The following IPPK variants were observed in gnomAD, a reference collection of about 807,000 sequenced individuals.
IPPK encodes IPK1 homolog.
IPPK carries 22 observed loss-of-function variants against 64.6 expected under a neutral mutation model. That is an observed-to-expected ratio of 0.34 (90% CI 0.24 to 0.49). IPPK has a LOEUF of 0.49. Ranked by LOEUF, IPPK falls within the 20% of genes least tolerant of loss-of-function variation. IPPK has a pLI of 0.99. For synonymous variants in IPPK, 262 were observed against 247.2 expected (o/e 1.06, Z -0.56); for missense variants, 532 against 630.7 (o/e 0.84, Z 1.68).
At chr9:92,639,114 T>C (rs750410458) in intron 8 of IPPK, among the ~76,000 whole-genome samples, 4 of 152,160 alleles carry the variant, frequency 2.6e-5, no homozygotes, top group South Asian at 2.1e-4. Context: ...AGTGGAGCAA[T>C]CAAAGCTCAC....
At chr9:92,647,745 G>A (rs1481087378) in intron 6 of IPPK, among the ~76,000 whole-genome samples, 2 of 151,752 alleles carry the variant, frequency 1.3e-5, no homozygotes, top group African/African-American at 4.8e-5. Context: ...AGTGAATCTG[G>A]TGAACACGGG....
At chr9:92,640,482 C>T (rs1023205926) in intron 8 of IPPK, among the ~76,000 whole-genome samples, 3 of 152,158 alleles carry the variant, frequency 2.0e-5, no homozygotes, top group Non-Finnish European at 2.9e-5. Flanking sequence ...AACCCAGGGT[C>T]ACTCAGATGC....
chr9:92,656,462 A>T lies in IPPK; in HGVS notation c.219T>A (p.His73Gln), dbSNP rs200488817. 96 of 1,605,416 alleles carry T rather than the reference A, an allele frequency of 6.0e-5. No homozygotes were observed. The highest frequency in any genetic ancestry group is 8.0e-5 in the Non-Finnish European group (94 of 1,172,206). ...MKEFLGENYVHYGEVVQLPLE... is the reference protein window; with the variant it reads ...MKEFLGENYVQYGEVVQLPLE... The stretch of plus-strand genomic sequence containing the variant: ...GTGAATAAAAAGCACTTACCCCATA[A>T]TGAACATAGTTCTCCCCCAAAAACT... Residue 73 changes from histidine (H) to glutamine (Q), a missense_variant, in exon 3 of 13, where the codon CAT (histidine) becomes CAA (glutamine). Physicochemically the swap from His to Gln is conservative, Grantham distance 24. Coordinates refer to ENST00000287996, the MANE Select transcript of IPPK (RefSeq NM_022755.6).
At chr9:92,629,707 CAAA>C (rs201735483) in intron 11 of IPPK, among the ~76,000 whole-genome samples, 9 of 94,666 alleles carry the variant, frequency 9.5e-5, no homozygotes, top group Admixed American at 1.0e-4. Context: ...GATTCTATCT[CAAA>C]AAAAAAAAAA....
intron 8 of IPPK, 106 bp from the exon 9 acceptor site, chr9:92,638,386 C>T: frequency 3.0e-6 from 4 of 1,316,048 alleles, no homozygotes; most frequent in South Asian, 1.4e-5. Flanking sequence ...AAGCCAAGGG[C>T]CCTGATGCTG....
chr9:92,651,053 C>A (rs1852257387), intron 4 of IPPK, among the ~76,000 whole-genome samples: 1 of 152,112 alleles, frequency 6.6e-6, no homozygotes, highest in Non-Finnish European at 1.5e-5. Context: ...CACCCTGGAG[C>A]CGGGCTCAGA....
intron 7 of IPPK, among the ~76,000 whole-genome samples, chr9:92,641,988 G>T (rs943405572): frequency 2.0e-5 from 3 of 152,236 alleles, no homozygotes; most frequent in Admixed American, 6.5e-5. Context: ...TGTGGCCAAG[G>T]ACTCTCTCCT....
chr9:92,626,850 G>A (rs1156911735), intron 11 of IPPK, among the ~76,000 whole-genome samples: 2 of 151,378 alleles, frequency 1.3e-5, no homozygotes, highest in East Asian at 3.9e-4. Context: ...ACTGAGCAAG[G>A]ACAGACTATC....
chr9:92,649,292 G>C (rs1348331196), intron 5 of IPPK, among the ~76,000 whole-genome samples, 161 bp downstream of exon 5: 2 of 152,158 alleles, frequency 1.3e-5, no homozygotes, highest in Non-Finnish European at 2.9e-5. Context: ...GAACGCAGGT[G>C]GGGGCTGTGG....
At chr9:92,621,704 A>C (rs1346630586) in intron 11 of IPPK, among the ~76,000 whole-genome samples, 2 of 151,926 alleles carry the variant, frequency 1.3e-5, no homozygotes, top group Non-Finnish European at 2.9e-5. Flanking sequence ...TTTATTAGAG[A>C]CGAGGTCTCG....
intron 11 of IPPK, among the ~76,000 whole-genome samples, chr9:92,629,724 AAGT>A (rs1851800272): frequency 6.6e-6 from 1 of 151,966 alleles, no homozygotes; most frequent in Non-Finnish European, 1.5e-5. Flanking sequence ...AAAAAAAAAA[AAGT>A]AGGCAAAGGA....
rs1049127735 is a variant in IPPK, at chr9:92,635,930, C to T, written c.917-622G>A. ...GAGAGGCAGGTAAGACCTGGGCTGG[C>T]GACAGGCACGAGCTCAGAACCAGCC... On this transcript the variant is annotated intron_variant, in intron 9 of 12. Coordinates refer to ENST00000287996, the MANE Select transcript of IPPK (RefSeq NM_022755.6). The surrounding 1 kb of genome is among the most constrained non-coding windows in gnomAD (Gnocchi z 4.4). Among the ~76,000 whole-genome samples the T allele has an allele frequency of 6.6e-6, 1 of 152,028 alleles. No homozygotes were observed. Among genetic ancestry groups the T allele is most frequent in the Admixed American group, 6.6e-5 (1 of 15,256 alleles).
intron 11 of IPPK, among the ~76,000 whole-genome samples, chr9:92,620,699 G>A (rs1331733511): frequency 2.6e-5 from 4 of 152,104 alleles, no homozygotes; most frequent in African/African-American, 9.7e-5. Context: ...GGAGGGAGTG[G>A]GGAGAACCTC....
chr9:92,623,536 C>T (rs1851681848), intron 11 of IPPK, among the ~76,000 whole-genome samples: 2 of 151,180 alleles, frequency 1.3e-5, no homozygotes, highest in African/African-American at 4.9e-5. Context: ...CCAGAATATA[C>T]AAAGAATGCC....
intron 1 of IPPK, among the ~76,000 whole-genome samples, chr9:92,659,477 T>C (rs2131460731): frequency 6.6e-6 from 1 of 152,352 alleles, no homozygotes; most frequent in Non-Finnish European, 1.5e-5. Flanking sequence ...TACAATAACT[T>C]CTTTTTAATT....
At chr9:92,639,894 G>A (rs1019787377) in intron 8 of IPPK, among the ~76,000 whole-genome samples, 1 of 152,180 alleles carries the variant, frequency 6.6e-6, no homozygotes, top group African/African-American at 2.4e-5. Context: ...AAGAGCAGGC[G>A]CCATCTGCCC....
At chr9:92,631,243 T>G (rs539223574) in intron 11 of IPPK, among the ~76,000 whole-genome samples, 2 of 150,318 alleles carry the variant, frequency 1.3e-5, no homozygotes, top group African/African-American at 4.9e-5. Flanking sequence ...TCACCCAGGC[T>G]GGAGTGCAGT....
chr9:92,636,514 G>A (rs896946181), intron 9 of IPPK, among the ~76,000 whole-genome samples: 2 of 152,110 alleles, frequency 1.3e-5, no homozygotes, highest in South Asian at 2.1e-4. Context: ...GGTAGTGCGT[G>A]TCGGTAGTCC....
chr9:92,636,752 T>C (rs530513668), intron 9 of IPPK, among the ~76,000 whole-genome samples: 1 of 152,194 alleles, frequency 6.6e-6, no homozygotes, highest in African/African-American at 2.4e-5. Context: ...TATGATCTTA[T>C]TGTTTTAAAC....
Sources: allele counts gnomAD v4.1 joint callset (sites outside exome capture counted in the v4.1 genomes callset), GRCh38; gene constraint gnomAD v4.1.1; non-coding constraint Gnocchi (gnomAD v3.1); transcripts MANE v1.5; gene names NCBI Gene and HGNC (gene_info 2026-07-23, HGNC 2026-07-21).